The following ASIC2 variants were observed in gnomAD, a reference collection of about 807,000 sequenced individuals.
ASIC2 encodes acid sensing ion channel subunit 2, also known as acid-sensing ion channel 2.
Under a neutral mutation model 57.3 loss-of-function variants are expected in ASIC2, and 25 were observed. The observed-to-expected ratio is 0.44, with a 90% confidence interval of 0.32 to 0.61. The LOEUF is 0.61. Ranked by LOEUF, ASIC2 falls within the 20% of genes least tolerant of loss-of-function variation. The pLI is 0.06. For missense variants in ASIC2, 641 were observed against 738.1 expected (o/e 0.87, Z 1.52); for synonymous variants, 319 against 307.5 (o/e 1.04, Z -0.39).
chr17:34,034,037 AGCC>A (rs1907748756), intron 1 of ASIC2, among the ~76,000 whole-genome samples: 1 of 152,202 alleles, frequency 6.6e-6, no homozygotes, highest in Non-Finnish European at 1.5e-5. Flanking sequence ...CTGATACCAA[AGCC>A]TGGCAGAGAC....
chr17:33,291,333 G>A, intron 1 of ASIC2, 75 bp downstream of exon 1: 1 of 1,505,406 alleles, frequency 6.6e-7, no homozygotes, highest in South Asian at 1.3e-5. Context: ...AGCCCCGAGG[G>A]GGCGGAACAC....
At chr17:33,823,965 C>T (rs1912829827) in intron 1 of ASIC2, among the ~76,000 whole-genome samples, 3 of 152,300 alleles carry the variant, frequency 2.0e-5, no homozygotes, top group African/African-American at 4.8e-5. Context: ...CCATAACCAG[C>T]TGCAGGGGGC....
At chr17:33,136,129 G>A (rs985806823) in intron 1 of ASIC2, among the ~76,000 whole-genome samples, 14 of 152,212 alleles carry the variant, frequency 9.2e-5, no homozygotes, top group African/African-American at 3.1e-4. Context: ...CCGTGTGCAC[G>A]TGTGTTTGCA....
At chr17:33,442,406 C>G (rs1173809209) in intron 1 of ASIC2, among the ~76,000 whole-genome samples, 1 of 152,062 alleles carries the variant, frequency 6.6e-6, no homozygotes, top group Non-Finnish European at 1.5e-5. Flanking sequence ...TGAACTGTAT[C>G]TTCATTTATT....
intron 1 of ASIC2, among the ~76,000 whole-genome samples, chr17:33,575,874 G>A (rs773866900): frequency 6.6e-6 from 1 of 152,140 alleles, no homozygotes; most frequent in East Asian, 1.9e-4. Context: ...GAGAGCAAAC[G>A]CCCCACAGCT....
At chr17:33,854,659 T>C (rs1913867146) in intron 1 of ASIC2, among the ~76,000 whole-genome samples, 1 of 152,176 alleles carries the variant, frequency 6.6e-6, no homozygotes, top group Non-Finnish European at 1.5e-5. Flanking sequence ...GTTTCACATG[T>C]GTCTAAGCTG....
intron 1 of ASIC2, among the ~76,000 whole-genome samples, chr17:33,307,445 G>A (rs1396795167): frequency 6.6e-6 from 1 of 152,076 alleles, no homozygotes; most frequent in African/African-American, 2.4e-5. Context: ...GAGCAGCTGG[G>A]ATTATAGGCC....
At chr17:33,381,687 C>T (rs759159365) in intron 1 of ASIC2, among the ~76,000 whole-genome samples, 14 of 152,212 alleles carry the variant, frequency 9.2e-5, no homozygotes, top group Admixed American at 4.6e-4. Context: ...TCATGGTATC[C>T]GACACAGGGT....
intron 1 of ASIC2, among the ~76,000 whole-genome samples, chr17:33,175,904 A>C (rs1905736461): frequency 6.6e-6 from 1 of 151,898 alleles, no homozygotes; most frequent in African/African-American, 2.4e-5. Context: ...TCTGTTTGAC[A>C]TCCCTCCCCA....
At chr17:33,712,140 C>T (rs1909055643) in intron 1 of ASIC2, among the ~76,000 whole-genome samples, 1 of 152,186 alleles carries the variant, frequency 6.6e-6, no homozygotes, top group Admixed American at 6.5e-5. Context: ...GAGCTAATCC[C>T]TGTCTTCTTT....
chr17:33,678,435 C>CCACACACACACACACA (rs71144896), intron 1 of ASIC2, among the ~76,000 whole-genome samples: 8,074 of 139,432 alleles, frequency 0.058, 330 homozygotes, highest in Admixed American at 0.081. Context: ...CTGGTTCAAT[C>CCACACACACACACACA]CACACACACA....
chr17:33,658,747 G>C (rs1249746446), intron 1 of ASIC2, among the ~76,000 whole-genome samples: 3 of 152,316 alleles, frequency 2.0e-5, no homozygotes, highest in Non-Finnish European at 2.9e-5. Flanking sequence ...TGTAATCCCA[G>C]TGCTTTGGGA....
At chr17:33,701,287 C>T (rs367689024) in intron 1 of ASIC2, among the ~76,000 whole-genome samples, 5 of 152,020 alleles carry the variant, frequency 3.3e-5, no homozygotes, top group South Asian at 4.1e-4. Flanking sequence ...AATGGAATAC[C>T]GACCAATCTC....
intron 1 of ASIC2, among the ~76,000 whole-genome samples, chr17:33,948,910 T>G (rs1025082119): frequency 2.0e-5 from 3 of 152,124 alleles, no homozygotes; most frequent in Non-Finnish European, 4.4e-5. Flanking sequence ...AGTAGATCTT[T>G]TAGGTATGCA....
chr17:33,540,233 C>G (rs1383156578), intron 1 of ASIC2, among the ~76,000 whole-genome samples: 1 of 152,162 alleles, frequency 6.6e-6, no homozygotes, highest in Non-Finnish European at 1.5e-5. Flanking sequence ...ATCCTCTTCC[C>G]TCTGTACATG....
At chr17:33,429,612 G>C (rs140597931) in intron 1 of ASIC2, among the ~76,000 whole-genome samples, 1 of 151,976 alleles carries the variant, frequency 6.6e-6, no homozygotes, top group Non-Finnish European at 1.5e-5. Context: ...GGATGGTCTC[G>C]ATCTCCTGAC....
intron 1 of ASIC2, chr17:34,039,779 T>C (rs769696215): frequency 1.2e-6 from 2 of 1,611,472 alleles, no homozygotes; most frequent in Non-Finnish European, 1.7e-6. Context: ...GAAGACTCAC[T>C]ATTAAGTGGT....
At chr17:33,419,632 T>G (rs1910976862) in intron 1 of ASIC2, among the ~76,000 whole-genome samples, 1 of 152,244 alleles carries the variant, frequency 6.6e-6, no homozygotes, top group Non-Finnish European at 1.5e-5. Context: ...CAGCAATTCC[T>G]TTTTAAAGTA....
intron 1 of ASIC2, among the ~76,000 whole-genome samples, chr17:33,282,233 C>T (rs1553041): frequency 0.49 from 74,077 of 151,908 alleles, 18,417 homozygotes; most frequent in Middle Eastern, 0.57. Context: ...ACATTTATTA[C>T]CTTATAGTTC....
Sources: gnomAD v4.1 joint callset for allele counts (sites outside exome capture counted in the v4.1 genomes callset) on GRCh38, gnomAD v4.1.1 for gene constraint, MANE v1.5 for transcripts, NCBI Gene and HGNC (gene_info 2026-07-23, HGNC 2026-07-21) for gene names.